The following CREB3L1 variants were observed in gnomAD, a reference collection of about 807,000 sequenced individuals.
CREB3L1 encodes cyclic AMP-responsive element-binding protein 3-like protein 1.
CREB3L1 carries 33 observed loss-of-function variants against 54.5 expected under a neutral mutation model. The observed-to-expected ratio is 0.61, with a 90% CI of 0.46 to 0.81. The LOEUF is 0.81. Among genes scored for constraint, CREB3L1 ranks in the 30% least tolerant of loss-of-function variants. CREB3L1 has a pLI of 0.00. For missense variants in CREB3L1, 656 were observed against 673.3 expected (o/e 0.97, Z 0.29); for synonymous variants, 284 against 286.4 (o/e 0.99, Z 0.08).
intron 2 of CREB3L1, among the ~76,000 whole-genome samples, chr11:46,304,658 C>G (rs1246412096): frequency 6.7e-6 from 1 of 149,038 alleles, no homozygotes; most frequent in Non-Finnish European, 1.5e-5. Context: ...AACTCCTTAG[C>G]CACCCTAAGT....
chr11:46,311,141 G>T lies in CREB3L1; in HGVS notation c.705G>T (p.Ala235=), dbSNP rs545047399. Residue 235 remains alanine (A), a synonymous_variant, in exon 5 of 12, where the codon GCG becomes GCT. Transcript: ENST00000621158. The part of the protein sequence containing the change: ...LPPSSPVRPM[A]RSSTAISTSP... The stretch of plus-strand genomic sequence containing the variant: ...CCTCCAGCCCTGTCAGGCCCATGGC[G>T]CGCTCCTCCACGGCCATCTCCACCT... The T allele has an allele frequency of 1.9e-6, 3 of 1,604,112 alleles. No individual in the cohort carries two copies. The highest frequency in any genetic ancestry group is 2.7e-5 in the African/African-American group (2 of 74,762).
At chr11:46,282,067 G>C (rs1254642973) in intron 1 of CREB3L1, among the ~76,000 whole-genome samples, 1 of 152,098 alleles carries the variant, frequency 6.6e-6, no homozygotes. Context: ...TTGAGTCAGG[G>C]GCTTGGTCTG....
rs1278994916 is a variant in CREB3L1, at chr11:46,278,704, C to G, written c.102+491C>G. Among the ~76,000 whole-genome samples the G allele has an allele frequency of 1.3e-5, 2 of 152,234 alleles. No individual in the cohort carries two copies. The highest frequency in any genetic ancestry group is 2.9e-5 in the Non-Finnish European group (2 of 68,050). The stretch of plus-strand genomic sequence containing the variant: ...CAGAAATTTCAGGGTGCTACCCTGG[C>G]AGCCCCAGGGAATCAGGCCCAGAGA... On this transcript the variant is annotated intron_variant, in intron 1 of 11. Coordinates refer to ENST00000621158, the MANE Select transcript of CREB3L1 (RefSeq NM_052854.4). This position sits in a 1 kb window ranked among gnomAD's most constrained non-coding sequence, Gnocchi z 4.2.
chr11:46,293,271 G>A (rs1039620671), intron 1 of CREB3L1, among the ~76,000 whole-genome samples: 8 of 152,328 alleles, frequency 5.3e-5, no homozygotes, highest in Non-Finnish European at 8.8e-5. Context: ...GGGCTGCTGT[G>A]CCCTCGGAGG....
Position 46,277,979 on chromosome 11 carries a change from C to T in CREB3L1, c.-133C>T. On this transcript the variant is annotated 5_prime_UTR_variant, in exon 1 of 12. Transcript: ENST00000621158. ...CGGGGCCGCGCCGCCTCCGTCCGCC[C>T]CTCCCCCGGGGCTTCGCCCCGGACC... The T allele has an allele frequency of 4.6e-6, 2 of 435,324 alleles. No homozygotes were observed. The highest frequency in any genetic ancestry group is 1.6e-4 in the South Asian group (2 of 12,334). The allele number at this position is 435,324 out of a possible 1,614,324, so 27.0% of individuals were successfully genotyped here.
Position 46,311,144 on chromosome 11 carries a change from C to T in CREB3L1, c.708C>T (p.Arg236=). 1.2e-6 allele frequency: 2 copies of T among 1,603,974 alleles called. No homozygotes were observed. Among genetic ancestry groups the T allele is most frequent in the South Asian group, 2.2e-5 (2 of 90,782 alleles). ...CCAGCCCTGTCAGGCCCATGGCGCG[C>T]TCCTCCACGGCCATCTCCACCTCCC... ...PPSSPVRPMA[R]SSTAISTSPL... Residue 236 remains arginine (R), a synonymous_variant, in exon 5 of 12, where the codon CGC becomes CGT. Coordinates refer to ENST00000621158, the MANE Select transcript of CREB3L1 (RefSeq NM_052854.4).
chr11:46,286,916 T>C (rs753594003), intron 1 of CREB3L1, among the ~76,000 whole-genome samples: 1 of 152,224 alleles, frequency 6.6e-6, no homozygotes, highest in Non-Finnish European at 1.5e-5. Flanking sequence ...AGGTGAGCTG[T>C]AGACCCTGAA....
intron 2 of CREB3L1, among the ~76,000 whole-genome samples, chr11:46,301,077 G>A (rs1939294569): frequency 6.6e-6 from 1 of 151,326 alleles, no homozygotes; most frequent in African/African-American, 2.4e-5. Flanking sequence ...CTACTCGGGA[G>A]GCTAAGGCAG....
chr11:46,297,830 C>T (rs760957619), intron 1 of CREB3L1, among the ~76,000 whole-genome samples: 5 of 152,204 alleles, frequency 3.3e-5, no homozygotes, highest in African/African-American at 7.2e-5. Context: ...AAGCTCAGCT[C>T]GGGGACAGAG....
intron 10 of CREB3L1, among the ~76,000 whole-genome samples, chr11:46,318,217 C>CAAA (rs11422396): frequency 1.4e-5 from 2 of 147,844 alleles, no homozygotes; most frequent in East Asian, 2.0e-4. Flanking sequence ...GACTCCATCT[C>CAAA]AAAAAAAAAA....
intron 1 of CREB3L1, among the ~76,000 whole-genome samples, chr11:46,281,748 G>C (rs1938978221): frequency 6.6e-6 from 1 of 152,206 alleles, no homozygotes; most frequent in Non-Finnish European, 1.5e-5. Context: ...GGAGATTAGA[G>C]AAGTATGTGT....
chr11:46,294,814 T>A (rs1196698807), intron 1 of CREB3L1, among the ~76,000 whole-genome samples: 1 of 150,680 alleles, frequency 6.6e-6, no homozygotes, highest in Non-Finnish European at 1.5e-5. Flanking sequence ...ACGAGGCAAG[T>A]AACCGTCCGG....
rs761531991 is a variant in CREB3L1 at position 46,316,364 on chromosome 11, C to G, written c.1110C>G (p.Thr370=). Residue 370 remains threonine (T), a synonymous_variant, in exon 9 of 12, where the codon ACC becomes ACG. Transcript: ENST00000621158. ...CCAGACCTTACAAGATGGCCGCCACCCAGACTGGGACCTGCCTCATGGTAG... is the reference window on the plus strand; with the variant it reads ...CCAGACCTTACAAGATGGCCGCCACGCAGACTGGGACCTGCCTCATGGTAG... The part of the protein sequence containing the change: ...KISRPYKMAA[T]QTGTCLMVAA... 27 of 1,569,374 alleles carry G rather than the reference C, an allele frequency of 1.7e-5. No homozygotes were observed. The highest frequency in any genetic ancestry group is 1.7e-6 in the Non-Finnish European group (2 of 1,157,200).
chr11:46,284,911 G>T (rs1042623816), intron 1 of CREB3L1, among the ~76,000 whole-genome samples: 1 of 152,136 alleles, frequency 6.6e-6, no homozygotes, highest in Non-Finnish European at 1.5e-5. Context: ...CCCATCCTTA[G>T]GGCACCTTGG....
intron 2 of CREB3L1, among the ~76,000 whole-genome samples, chr11:46,303,307 T>A (rs893991301): frequency 6.6e-6 from 1 of 152,102 alleles, no homozygotes; most frequent in Non-Finnish European, 1.5e-5. Flanking sequence ...AATATATATA[T>A]ACAAAATACC....
chr11:46,305,378 A>G (rs912531467), intron 2 of CREB3L1, among the ~76,000 whole-genome samples: 2 of 151,766 alleles, frequency 1.3e-5, no homozygotes, highest in African/African-American at 4.8e-5. Flanking sequence ...CACCCGCCTC[A>G]TACCCCCAGT....
At chr11:46,319,954 A>G (rs950493113) in intron 10 of CREB3L1, among the ~76,000 whole-genome samples, 17 of 151,870 alleles carry the variant, frequency 1.1e-4, no homozygotes, top group Non-Finnish European at 1.8e-4. Flanking sequence ...CAAACTCAGT[A>G]CCCTCTGCTA....
Position 46,278,579 on chromosome 11 carries a change from C to T in CREB3L1, c.102+366C>T, listed in dbSNP as rs553771400. Among the ~76,000 whole-genome samples the T allele has an allele frequency of 2.4e-3, 361 of 152,352 alleles. 2 individuals are homozygous for T. The highest frequency in any genetic ancestry group is 7.9e-3 in the African/African-American group (329 of 41,586). On this transcript the variant is annotated intron_variant, in intron 1 of 11. Transcript: ENST00000621158. The surrounding 1 kb of genome is among the most constrained non-coding windows in gnomAD (Gnocchi z 4.2). ...AGTGGCAGCGCCCTTTCCTGCGCCTCCCTTGGGGCTTCGGTGGCTCATAGG... is the reference window on the plus strand; with the variant it reads ...AGTGGCAGCGCCCTTTCCTGCGCCTTCCTTGGGGCTTCGGTGGCTCATAGG...
intron 10 of CREB3L1, among the ~76,000 whole-genome samples, chr11:46,319,930 A>G (rs1223451265): frequency 1.3e-5 from 2 of 151,812 alleles, no homozygotes; most frequent in African/African-American, 4.8e-5. Context: ...GTTAGAACAC[A>G]GCTCCCAGAT....
Sources: gnomAD v4.1 joint callset for allele counts (sites outside exome capture counted in the v4.1 genomes callset) on GRCh38, gnomAD v4.1.1 for gene constraint, Gnocchi (gnomAD v3.1) non-coding constraint, MANE v1.5 for transcripts, NCBI Gene and HGNC (gene_info 2026-07-23, HGNC 2026-07-21) for gene names.